The following KIF27 variants were observed in gnomAD, a reference collection of about 807,000 sequenced individuals.
KIF27 encodes kinesin family member 27, also known as kinesin-like protein KIF27.
Under a neutral mutation model 141.8 loss-of-function variants are expected in KIF27, and 84 were observed. That is an observed-to-expected ratio of 0.59 (90% CI 0.50 to 0.71). The LOEUF (loss-of-function observed/expected upper bound fraction) is 0.71. KIF27 is among the 30% of genes least tolerant of loss of function. The probability of loss-of-function intolerance (pLI) is 0.00; values close to 1 mark genes in which losing one functional copy is unlikely to be tolerated. For synonymous variants in KIF27, 471 were observed against 569.5 expected (o/e 0.83, Z 2.46); for missense variants, 1,306 against 1,628.4 (o/e 0.80, Z 3.41).
chr9:83,912,667 A>G lies in KIF27; in HGVS notation c.298+2627T>C, dbSNP rs1211470496. On this transcript the variant is annotated intron_variant, in intron 2 of 17. Transcript: ENST00000297814. Reference sequence around the variant, plus strand: ...TGATAATTTAAATATAAAATTTGCAATGTTAGTCTTATATTCCTGAAATAA... The same window carrying G: ...TGATAATTTAAATATAAAATTTGCAGTGTTAGTCTTATATTCCTGAAATAA... Among the ~76,000 whole-genome samples the G allele has an allele frequency of 9.8e-5, 15 of 152,348 alleles. No homozygotes were observed. The East Asian group carries it at 2.9e-3, about 29-fold the overall frequency.
chr9:83,899,841 A>C (rs2780085), intron 4 of KIF27, 37 bp from the exon 5 acceptor site: 1 of 1,566,454 alleles, frequency 6.4e-7, no homozygotes, highest in Non-Finnish European at 8.7e-7. Context: ...CATTCACCAC[A>C]GAAAATAATC....
intron 11 of KIF27, among the ~76,000 whole-genome samples, chr9:83,876,868 G>A (rs143010215): frequency 8.5e-5 from 13 of 152,296 alleles, no homozygotes; most frequent in East Asian, 5.8e-4. Context: ...TTGAAGCCAG[G>A]AGTTCAAAAC....
intron 9 of KIF27, among the ~76,000 whole-genome samples, chr9:83,884,364 C>T (rs1259472091): frequency 1.3e-5 from 2 of 152,100 alleles, no homozygotes; most frequent in African/African-American, 4.8e-5. Context: ...TGTCCTCTTG[C>T]TTAGTATACT....
chr9:83,839,125 C>T (rs1453088442), intron 17 of KIF27, among the ~76,000 whole-genome samples: 7 of 152,092 alleles, frequency 4.6e-5, no homozygotes, highest in South Asian at 2.1e-4. Flanking sequence ...GTACCACTAC[C>T]GGTAGCTCCA....
In KIF27 at chr9:83,835,769, G is replaced by A. The variant is rs1328407491; in HGVS notation, c.*1232C>T. On this transcript the variant is annotated 3_prime_UTR_variant, in exon 18 of 18. Transcript: ENST00000297814. ...CAAGGAAGTGGGTGACTCTGAGTAAGCATCCATGTCAGGATGGTTTTGCTA... is the reference window on the plus strand; with the variant it reads ...CAAGGAAGTGGGTGACTCTGAGTAAACATCCATGTCAGGATGGTTTTGCTA... 1.3e-5 allele frequency: 2 copies of A among 152,160 alleles called. No individual in the cohort carries two copies. Among genetic ancestry groups the A allele is most frequent in the Non-Finnish European group, 2.9e-5 (2 of 68,034 alleles). 9.4% of individuals were successfully genotyped at this position (152,160 alleles called of 1,614,324 possible). A position where few individuals can be genotyped will look rare whatever the true frequency, so the allele number is the denominator to read the frequency against.
At position 83,903,871 on chromosome 9, in the gene KIF27, C is replaced by A. The variant is rs1301357262; in HGVS notation, c.647G>T (p.Cys216Phe). The A allele has an allele frequency of 6.2e-7, 1 of 1,614,158 alleles. No homozygotes were observed. The highest frequency in any genetic ancestry group is 1.1e-5 in the South Asian group (1 of 91,080). Residue 216 changes from cysteine to phenylalanine, a missense_variant, in exon 4 of 18, where the codon TGT becomes TTT. This residue lies in a region of KIF27 where 533 missense variants were observed against 565.6 expected (regional missense o/e 0.94). Transcript: ENST00000297814. The stretch of plus-strand genomic sequence containing the variant: ...TGCCTCCATATTTTTATGAACTTGA[C>A]AAATGCTGATTGTAAAAATTGCATG... The part of the protein sequence containing the change: ...RSHAIFTISI[C>F]QVHKNMEAAE...
intron 5 of KIF27, among the ~76,000 whole-genome samples, chr9:83,893,507 C>T (rs1952879451): frequency 6.6e-6 from 1 of 151,798 alleles, no homozygotes; most frequent in Non-Finnish European, 1.5e-5. Context: ...ATAAATCCCC[C>T]ATGTCCTGTA....
intron 11 of KIF27, among the ~76,000 whole-genome samples, chr9:83,872,818 A>G (rs1246679798): frequency 6.6e-6 from 1 of 152,198 alleles, no homozygotes; most frequent in Non-Finnish European, 1.5e-5. Context: ...GATGATAAGT[A>G]AAGGTATCAA....
At position 83,842,515 on chromosome 9, in the gene KIF27, T is replaced by A. The variant is rs532028447; in HGVS notation, c.3557-114A>T. 11 of 1,316,072 alleles carry A rather than the reference T, an allele frequency of 8.4e-6. No individual in the cohort carries two copies. The African/African-American group carries it at 1.4e-4, about 17-fold the overall frequency. The allele number at this position is 1,316,072 out of a possible 1,614,324, so 81.5% of individuals were successfully genotyped here. A position where few individuals can be genotyped will look rare whatever the true frequency, so the allele number is the denominator to read the frequency against. On this transcript the variant is annotated intron_variant, in intron 16 of 17. Transcript: ENST00000297814. ...TCTCGCACTGTCGCCCAGGCTAGAGTGCAGTGGCGTGATATGCTCGGCTCA... is the reference window on the plus strand; with the variant it reads ...TCTCGCACTGTCGCCCAGGCTAGAGAGCAGTGGCGTGATATGCTCGGCTCA...
intron 16 of KIF27, among the ~76,000 whole-genome samples, chr9:83,846,545 A>G (rs1369050144): frequency 6.6e-6 from 1 of 152,158 alleles, no homozygotes; most frequent in Non-Finnish European, 1.5e-5. Flanking sequence ...TGCCAATTAC[A>G]TGACAATACT....
intron 13 of KIF27, among the ~76,000 whole-genome samples, chr9:83,863,114 T>C (rs1349646821): frequency 6.6e-6 from 1 of 152,194 alleles, no homozygotes. Flanking sequence ...AATCATGTCA[T>C]TTGCAAACAG....
chr9:83,839,832 A>G (rs1356172216), intron 17 of KIF27, among the ~76,000 whole-genome samples: 3 of 152,112 alleles, frequency 2.0e-5, no homozygotes, highest in Admixed American at 6.6e-5. Context: ...AATCCCAGCT[A>G]CTGAGTAGGC....
intron 17 of KIF27, 186 bp from the exon 18 acceptor site, chr9:83,837,671 G>A: frequency 2.0e-6 from 1 of 502,402 alleles, no homozygotes. Context: ...TTCACTTACA[G>A]GCATCTTGCA....
chr9:83,917,424 A>C (rs1385477764), intron 1 of KIF27, among the ~76,000 whole-genome samples: 1 of 152,222 alleles, frequency 6.6e-6, no homozygotes, highest in Non-Finnish European at 1.5e-5. Context: ...AATACCTATC[A>C]AAATGTCAGC....
At chr9:83,912,763 A>G (rs1037458044) in intron 2 of KIF27, among the ~76,000 whole-genome samples, 1 of 152,160 alleles carries the variant, frequency 6.6e-6, no homozygotes, top group Non-Finnish European at 1.5e-5. Context: ...TATGGTATTT[A>G]AAGAGTACAC....
At chr9:83,881,564 G>A (rs1373855584) in intron 10 of KIF27, among the ~76,000 whole-genome samples, 2 of 152,192 alleles carry the variant, frequency 1.3e-5, no homozygotes, top group Non-Finnish European at 1.5e-5. Context: ...TGTTAGATTC[G>A]GTTGACGTTT....
intron 14 of KIF27, among the ~76,000 whole-genome samples, chr9:83,855,602 AGAAACAATACATAAC>A (rs1480524235): frequency 1.3e-5 from 2 of 152,242 alleles, no homozygotes; most frequent in Non-Finnish European, 2.9e-5. Context: ...TGACTTTAAG[AGAAACAATACATAAC>A]GAAACAAATT....
At chr9:83,886,343 C>T (rs1952103505) in intron 9 of KIF27, among the ~76,000 whole-genome samples, 1 of 152,144 alleles carries the variant, frequency 6.6e-6, no homozygotes, top group African/African-American at 2.4e-5. Context: ...AGAGCTTATA[C>T]AGAGAAGACC....
At chr9:83,848,686 C>A (rs183906728) in intron 16 of KIF27, 3 of 151,374 alleles carry the variant, frequency 2.0e-5, no homozygotes, top group Admixed American at 6.6e-5. Flanking sequence ...ACTATGCTGC[C>A]CAGGCTGCTT....
Sources: allele counts gnomAD v4.1 joint callset (sites outside exome capture counted in the v4.1 genomes callset), GRCh38; gene constraint gnomAD v4.1.1; regional missense constraint gnomAD v4.1.1; transcripts MANE v1.5; gene names NCBI Gene and HGNC (gene_info 2026-07-23, HGNC 2026-07-21).